Variants in TTLL11 observed in about 807,000 individuals in gnomAD.
TTLL11 encodes the protein tubulin tyrosine ligase like 11, also known as tubulin polyglutamylase TTLL11.
A neutral mutation model predicts 51.7 loss-of-function variants in TTLL11; 42 were observed. The observed-to-expected ratio is 0.81, with a 90% CI of 0.64 to 1.05. The LOEUF (loss-of-function observed/expected upper bound fraction) is 1.05, where lower values mean the gene tolerates loss of function less well. TTLL11 is among the 50% of genes least tolerant of loss of function. The pLI, the probability that TTLL11 is intolerant of heterozygous loss-of-function variation, is 0.00. For synonymous variants in TTLL11, 381 were observed against 383.5 expected (o/e 0.99, Z 0.08); for missense variants, 799 against 940.4 (o/e 0.85, Z 1.97).
chr9:121,944,499 T>G (rs1841597681), intron 6 of TTLL11, among the ~76,000 whole-genome samples: 1 of 137,500 alleles, frequency 7.3e-6, no homozygotes, highest in South Asian at 2.6e-4. Flanking sequence ...AGAGTGAGAC[T>G]CCATCTCAAA....
chr9:122,002,789 T>A (rs546185354), intron 3 of TTLL11, among the ~76,000 whole-genome samples: 1 of 151,678 alleles, frequency 6.6e-6, no homozygotes, highest in South Asian at 2.1e-4. Context: ...CTACTAAAAC[T>A]ACAAAAATTA....
chr9:121,860,334 T>A lies in TTLL11; in HGVS notation c.1840+3A>T, dbSNP rs760025912. On this transcript the variant is annotated splice_donor_region_variant and intron_variant, in intron 8 of 8. Coordinates refer to ENST00000321582, the MANE Select transcript of TTLL11 (RefSeq NM_001139442.2). ...GGCCATGGCAGAGGCATTTGTCAAA[T>A]ACCTGAGTCCCGCTGGTCCAGGGTC... 14 of 1,550,522 alleles carry A rather than the reference T, an allele frequency of 9.0e-6. No individual in the cohort carries two copies. Among genetic ancestry groups the A allele is most frequent in the Non-Finnish European group, 1.2e-5 (14 of 1,146,336 alleles).
chr9:121,892,548 C>CG (rs575962676), intron 6 of TTLL11, among the ~76,000 whole-genome samples: 1 of 151,888 alleles, frequency 6.6e-6, no homozygotes, highest in Non-Finnish European at 1.5e-5. Flanking sequence ...TATCTCCCAC[C>CG]GGGTCTCTCC....
Position 122,092,987 on chromosome 9 carries a change from C to A in TTLL11, c.162G>T (p.Lys54Asn). The change falls in exon 1 of 9, where the codon AAG (lysine) becomes AAT (asparagine). Residue 54 changes from lysine to asparagine, a missense_variant. Lys to Asn is a moderately conservative substitution (Grantham distance 94, BLOSUM62 0). Transcript: ENST00000321582. ...DAGAAGEPECKAGEEQPKVLA... is the reference protein window; with the variant it reads ...DAGAAGEPECNAGEEQPKVLA... The stretch of plus-strand genomic sequence containing the variant: ...GGACCTTGGGCTGCTCCTCCCCTGC[C>A]TTGCACTCCGGTTCCCCGGCCGCGC... 2 of 1,561,990 alleles carry A rather than the reference C, an allele frequency of 1.3e-6. No homozygotes were observed. Among genetic ancestry groups the A allele is most frequent in the Non-Finnish European group, 8.6e-7 (1 of 1,163,356 alleles).
intron 6 of TTLL11, among the ~76,000 whole-genome samples, chr9:121,912,007 G>A (rs537788387): frequency 6.6e-6 from 1 of 152,314 alleles, no homozygotes; most frequent in South Asian, 2.1e-4. Context: ...TATGGATAGG[G>A]CATTGGAGCA....
At chr9:121,964,953 G>A (rs1316643998) in intron 6 of TTLL11, among the ~76,000 whole-genome samples, 3 of 152,026 alleles carry the variant, frequency 2.0e-5, no homozygotes, top group Admixed American at 2.0e-4. Flanking sequence ...TTGATGCGTG[G>A]GTCTTGCCAC....
intron 6 of TTLL11, among the ~76,000 whole-genome samples, chr9:121,935,167 C>G (rs1466320396): frequency 3.3e-5 from 5 of 151,912 alleles, no homozygotes; most frequent in African/African-American, 1.2e-4. Context: ...CCATGTTGCC[C>G]AGGCTGGTCT....
intron 6 of TTLL11, among the ~76,000 whole-genome samples, chr9:121,925,125 T>C (rs538265461): frequency 1.3e-3 from 205 of 152,206 alleles, no homozygotes; most frequent in Non-Finnish European, 2.2e-3. Context: ...TAGGGATCTC[T>C]AATGTCACCG....
At chr9:121,840,048 T>C (rs534670387) in intron 8 of TTLL11, among the ~76,000 whole-genome samples, 201 of 152,314 alleles carry the variant, frequency 1.3e-3, no homozygotes, top group African/African-American at 4.6e-3. Flanking sequence ...TTTTGTCACT[T>C]TGTCAGAGAG....
intron 6 of TTLL11, among the ~76,000 whole-genome samples, chr9:121,963,212 C>T (rs1200633876): frequency 6.6e-6 from 1 of 152,214 alleles, no homozygotes; most frequent in Admixed American, 6.5e-5. Flanking sequence ...TATACACGGT[C>T]AGCACCCAAG....
At chr9:122,037,725 G>C (rs772961722) in intron 2 of TTLL11, among the ~76,000 whole-genome samples, 8 of 152,180 alleles carry the variant, frequency 5.3e-5, no homozygotes, top group Non-Finnish European at 1.0e-4. Context: ...TGAGGAGCCA[G>C]AGACTAGTCT....
intron 1 of TTLL11, among the ~76,000 whole-genome samples, chr9:122,073,993 C>T (rs1845796148): frequency 6.6e-6 from 1 of 152,162 alleles, no homozygotes; most frequent in African/African-American, 2.4e-5. Flanking sequence ...ATGATGCTGG[C>T]CGGGCGCAGT....
At chr9:122,077,286 C>CA (rs1244753480) in intron 1 of TTLL11, among the ~76,000 whole-genome samples, 4 of 151,934 alleles carry the variant, frequency 2.6e-5, no homozygotes, top group African/African-American at 9.7e-5. Context: ...TTGTGAAGTT[C>CA]AAAAAAGAAT....
intron 6 of TTLL11, among the ~76,000 whole-genome samples, chr9:121,895,903 CCTTT>C (rs1320313102): frequency 8.8e-5 from 2 of 22,712 alleles, no homozygotes; most frequent in African/African-American, 3.7e-4. Context: ...TGTGTGTGTC[CCTTT>C]GTGTGGATGT....
At chr9:121,956,891 C>T (rs1023144454) in intron 6 of TTLL11, among the ~76,000 whole-genome samples, 2 of 152,236 alleles carry the variant, frequency 1.3e-5, no homozygotes, top group African/African-American at 4.8e-5. Flanking sequence ...CAGCTGCAGG[C>T]TCCAAGGTTC....
intron 6 of TTLL11, among the ~76,000 whole-genome samples, chr9:121,958,050 T>C (rs1842077575): frequency 6.6e-6 from 1 of 152,194 alleles, no homozygotes; most frequent in Non-Finnish European, 1.5e-5. Context: ...GTGGAACGAG[T>C]GTCCCCAGAG....
intron 6 of TTLL11, among the ~76,000 whole-genome samples, chr9:121,891,121 T>C (rs536333145): frequency 1.3e-5 from 2 of 152,326 alleles, no homozygotes; most frequent in South Asian, 4.1e-4. Flanking sequence ...CACGCTATAT[T>C]ACAATCGTCC....
chr9:121,923,564 AG>A (rs1840614845), intron 6 of TTLL11, among the ~76,000 whole-genome samples: 1 of 152,204 alleles, frequency 6.6e-6, no homozygotes, highest in Non-Finnish European at 1.5e-5. Flanking sequence ...ACAACCTCTG[AG>A]CCAGGCATTG....
At chr9:121,971,475 G>A (rs1842574484) in intron 6 of TTLL11, among the ~76,000 whole-genome samples, 4 of 122,510 alleles carry the variant, frequency 3.3e-5, no homozygotes, top group Middle Eastern at 4.1e-3. Flanking sequence ...CCGGCCAGCC[G>A]CCCCGTCCGG....
Sources: allele counts gnomAD v4.1 joint callset (sites outside exome capture counted in the v4.1 genomes callset), GRCh38; gene constraint gnomAD v4.1.1; transcripts MANE v1.5; gene names NCBI Gene and HGNC (gene_info 2026-07-23, HGNC 2026-07-21).